The following GRIN2B variants were observed in gnomAD, a reference collection of about 807,000 sequenced individuals.
GRIN2B encodes glutamate receptor ionotropic, NMDA 2B.
Under a neutral mutation model 114.5 loss-of-function variants are expected in GRIN2B, and 5 were observed. The observed-to-expected ratio is 0.04, with a 90% CI of 0.02 to 0.09. GRIN2B has a LOEUF of 0.09. GRIN2B is among the 10% of genes least tolerant of loss of function. The probability of loss-of-function intolerance (pLI) is 1.00; values close to 1 mark genes in which losing one functional copy is unlikely to be tolerated. For synonymous variants in GRIN2B, 787 were observed against 745.1 expected, an observed-to-expected ratio of 1.06 and a Z score of -0.92; for missense variants, 1,108 against 1,943.5, an observed-to-expected ratio of 0.57 and a Z score of 8.08.
chr12:13,964,582 G>T (rs1867756828), intron 2 of GRIN2B, among the ~76,000 whole-genome samples: 1 of 152,190 alleles, frequency 6.6e-6, no homozygotes. Context: ...CTCTTAACCT[G>T]CCATTCATAG....
intron 5 of GRIN2B, among the ~76,000 whole-genome samples, chr12:13,641,338 G>C (rs915903845): frequency 6.6e-6 from 1 of 152,086 alleles, no homozygotes; most frequent in Admixed American, 6.6e-5. Flanking sequence ...CTCCCACAGT[G>C]CTGGGATTAC....
intron 8 of GRIN2B, among the ~76,000 whole-genome samples, chr12:13,614,277 G>A (rs905525556): frequency 3.0e-4 from 45 of 152,180 alleles, no homozygotes; most frequent in Non-Finnish European, 6.2e-4. Flanking sequence ...ACTGTCTACT[G>A]TAATAGCCCC....
At chr12:13,706,650 G>A (rs17220663) in intron 4 of GRIN2B, among the ~76,000 whole-genome samples, 6,555 of 152,090 alleles carry the variant, frequency 0.043, 241 homozygotes, top group East Asian at 0.14. Flanking sequence ...CCATCAAAGC[G>A]TTAACCACCT....
intron 4 of GRIN2B, among the ~76,000 whole-genome samples, chr12:13,680,939 T>A (rs986389859): frequency 6.6e-6 from 1 of 152,144 alleles, no homozygotes; most frequent in Non-Finnish European, 1.5e-5. Context: ...TCAGAGCCAA[T>A]ACATTTGCTT....
intron 4 of GRIN2B, among the ~76,000 whole-genome samples, chr12:13,716,540 T>C (rs1860883511): frequency 6.6e-6 from 1 of 151,846 alleles, no homozygotes; most frequent in Admixed American, 6.6e-5. Context: ...ATTGTCACAG[T>C]GGATGATGGC....
At chr12:13,738,973 A>G (rs1863230511) in intron 4 of GRIN2B, among the ~76,000 whole-genome samples, 2 of 152,196 alleles carry the variant, frequency 1.3e-5, no homozygotes, top group Non-Finnish European at 2.9e-5. Context: ...CTCAAAACAC[A>G]GAAAAATGAA....
At chr12:13,622,313 C>T (rs1949525669) in intron 5 of GRIN2B, among the ~76,000 whole-genome samples, 1 of 152,126 alleles carries the variant, frequency 6.6e-6, no homozygotes, top group Admixed American at 6.5e-5. Context: ...TGCTATTTCC[C>T]TGAGCAAGCT....
intron 2 of GRIN2B, among the ~76,000 whole-genome samples, chr12:13,898,953 C>T (rs1407585017): frequency 6.6e-6 from 1 of 152,274 alleles, no homozygotes. Context: ...ACCACTATTA[C>T]AACTACTACC....
chr12:13,821,660 T>G (rs574910900), intron 3 of GRIN2B, among the ~76,000 whole-genome samples: 2 of 152,214 alleles, frequency 1.3e-5, no homozygotes, highest in Non-Finnish European at 2.9e-5. Context: ...GTAGTAATCT[T>G]GATCATTTGG....
intron 4 of GRIN2B, among the ~76,000 whole-genome samples, chr12:13,704,393 T>C (rs1204570441): frequency 6.6e-6 from 1 of 152,198 alleles, no homozygotes; most frequent in Non-Finnish European, 1.5e-5. Context: ...TGGCCAATCC[T>C]TGAACATGCA....
intron 2 of GRIN2B, among the ~76,000 whole-genome samples, chr12:13,888,433 A>C (rs1014484750): frequency 4.3e-5 from 2 of 46,460 alleles, no homozygotes; most frequent in Admixed American, 3.0e-4. Flanking sequence ...ACAGCATAAA[A>C]GATAAAAAAA....
At chr12:13,574,356 T>C (rs1032665415) in intron 10 of GRIN2B, among the ~76,000 whole-genome samples, 2 of 152,248 alleles carry the variant, frequency 1.3e-5, no homozygotes, top group Non-Finnish European at 2.9e-5. Context: ...TAAATAACTA[T>C]GGTAGATAGC....
chr12:13,900,489 G>A (rs920261316), intron 2 of GRIN2B, among the ~76,000 whole-genome samples: 1 of 151,102 alleles, frequency 6.6e-6, no homozygotes, highest in Non-Finnish European at 1.5e-5. Context: ...AAAAAAAAAA[G>A]TTAATAAAAC....
chr12:13,726,919 G>A (rs1591698961), intron 4 of GRIN2B, among the ~76,000 whole-genome samples: 1 of 152,150 alleles, frequency 6.6e-6, no homozygotes, highest in Non-Finnish European at 1.5e-5. Flanking sequence ...ATACCGTTTG[G>A]TTTTCCACTC....
At chr12:13,921,900 C>A (rs574035789) in intron 2 of GRIN2B, among the ~76,000 whole-genome samples, 62 of 152,096 alleles carry the variant, frequency 4.1e-4, no homozygotes, top group African/African-American at 1.4e-3. Flanking sequence ...AAGTATGTAC[C>A]AAGCACAAGT....
intron 2 of GRIN2B, among the ~76,000 whole-genome samples, chr12:13,940,438 G>A (rs76465199): frequency 6.0e-5 from 9 of 150,872 alleles, no homozygotes; most frequent in Non-Finnish European, 4.4e-5. Context: ...TCTCCTTGGC[G>A]CACACACACA....
At chr12:13,955,696 C>A (rs769226300) in intron 2 of GRIN2B, among the ~76,000 whole-genome samples, 26 of 152,018 alleles carry the variant, frequency 1.7e-4, no homozygotes, top group Non-Finnish European at 8.8e-5. Context: ...ACCTTTGGGC[C>A]TATATATGGC....
At chr12:13,931,549 A>G (rs1867031338) in intron 2 of GRIN2B, among the ~76,000 whole-genome samples, 1 of 152,200 alleles carries the variant, frequency 6.6e-6, no homozygotes, top group Admixed American at 6.5e-5. Context: ...GACTGCATCC[A>G]TATCCATGGC....
intron 3 of GRIN2B, among the ~76,000 whole-genome samples, chr12:13,832,986 CAT>C (rs1238777470): frequency 7.2e-5 from 11 of 152,132 alleles, no homozygotes; most frequent in African/African-American, 1.7e-4. Context: ...ATGAATAAAA[CAT>C]ATCATGAATA....
Sources: allele counts gnomAD v4.1 joint callset (sites outside exome capture counted in the v4.1 genomes callset), GRCh38; gene constraint gnomAD v4.1.1; transcripts MANE v1.5; gene names NCBI Gene and HGNC (gene_info 2026-07-23, HGNC 2026-07-21).